Variants in PRKCH observed in about 807,000 individuals in gnomAD.
PRKCH encodes the protein protein kinase C eta type.
PRKCH carries 28 observed loss-of-function variants against 82.5 expected under a neutral mutation model. The observed-to-expected ratio is 0.34, with a 90% confidence interval of 0.25 to 0.47. The LOEUF (loss-of-function observed/expected upper bound fraction) is 0.47, where lower values mean the gene tolerates loss of function less well. Ranked by LOEUF, PRKCH falls within the 20% of genes least tolerant of loss-of-function variation. The probability of loss-of-function intolerance (pLI) is 1.00; values close to 1 mark genes in which losing one functional copy is unlikely to be tolerated. For synonymous variants in PRKCH, 322 were observed against 327.4 expected (o/e 0.98, Z 0.18); for missense variants, 705 against 881.8 (o/e 0.80, Z 2.54).
intron 1 of PRKCH, among the ~76,000 whole-genome samples, chr14:61,192,196 T>C (rs2140032995): frequency 6.6e-6 from 1 of 152,290 alleles, no homozygotes; most frequent in Admixed American, 6.5e-5. Context: ...TTATTTCTAT[T>C]TTCCTGTTGT....
chr14:61,496,779 T>C (rs967256598), intron 10 of PRKCH, among the ~76,000 whole-genome samples: 8 of 152,182 alleles, frequency 5.3e-5, no homozygotes, highest in African/African-American at 1.9e-4. Flanking sequence ...CTTTTTTTAT[T>C]TTAAGATGAC....
At chr14:61,284,599 T>A (rs2045298715) in intron 1 of PRKCH, among the ~76,000 whole-genome samples, 1 of 152,210 alleles carries the variant, frequency 6.6e-6, no homozygotes, top group Non-Finnish European at 1.5e-5. Flanking sequence ...ATTGTCGTGT[T>A]CCTCAGAGTT....
At chr14:61,401,237 A>G (rs1295551759) in intron 2 of PRKCH, among the ~76,000 whole-genome samples, 1 of 152,194 alleles carries the variant, frequency 6.6e-6, no homozygotes, top group Non-Finnish European at 1.5e-5. Flanking sequence ...GGTTCTCTTA[A>G]TGTACATCTT....
intron 1 of PRKCH, among the ~76,000 whole-genome samples, chr14:61,211,429 T>A (rs541991234): frequency 4.1e-4 from 62 of 152,286 alleles, no homozygotes; most frequent in Admixed American, 2.2e-3. Flanking sequence ...CCTGGCTAAA[T>A]GAACACAGTA....
At chr14:61,376,267 T>A (rs984417836) in intron 1 of PRKCH, among the ~76,000 whole-genome samples, 2 of 152,178 alleles carry the variant, frequency 1.3e-5, no homozygotes, top group Non-Finnish European at 2.9e-5. Flanking sequence ...CTGCTTTCTC[T>A]CATTCTCTAA....
chr14:61,206,998 C>A (rs138553422), intron 1 of PRKCH, among the ~76,000 whole-genome samples: 1 of 145,618 alleles, frequency 6.9e-6, no homozygotes, highest in East Asian at 2.2e-4. Context: ...CCCAGCTACT[C>A]GGGAGGCCGA....
At chr14:61,410,954 G>A (rs1882237352) in intron 2 of PRKCH, among the ~76,000 whole-genome samples, 1 of 152,228 alleles carries the variant, frequency 6.6e-6, no homozygotes, top group Non-Finnish European at 1.5e-5. Flanking sequence ...GAAAATGAGG[G>A]TGATTGCAAA....
intron 1 of PRKCH, among the ~76,000 whole-genome samples, chr14:61,232,871 G>T (rs1202827978): frequency 6.6e-6 from 1 of 152,016 alleles, no homozygotes; most frequent in Non-Finnish European, 1.5e-5. Context: ...CTGACACTAC[G>T]CAGGGGTTGC....
intron 1 of PRKCH, among the ~76,000 whole-genome samples, chr14:61,272,534 A>G (rs1264355371): frequency 6.6e-6 from 1 of 151,358 alleles, no homozygotes; most frequent in East Asian, 2.0e-4. Context: ...TTGTATTTTT[A>G]GTAGAGACGG....
At chr14:61,236,653 G>A (rs1206285467) in intron 1 of PRKCH, among the ~76,000 whole-genome samples, 1 of 141,952 alleles carries the variant, frequency 7.0e-6, no homozygotes, top group Non-Finnish European at 1.5e-5. Flanking sequence ...GTTGCAGCGA[G>A]CTGAGATCAC....
intron 1 of PRKCH, among the ~76,000 whole-genome samples, chr14:61,345,282 G>A (rs1317029524): frequency 1.3e-5 from 2 of 152,118 alleles, no homozygotes; most frequent in African/African-American, 4.8e-5. Context: ...GCCTCTTCAT[G>A]GTTATAAACG....
At chr14:61,511,900 T>C (rs1296006276) in intron 10 of PRKCH, among the ~76,000 whole-genome samples, 2 of 152,208 alleles carry the variant, frequency 1.3e-5, no homozygotes, top group Non-Finnish European at 2.9e-5. Flanking sequence ...GGAAAGGCTG[T>C]AAAACTCAGA....
At chr14:61,437,628 A>G (rs774060670) in intron 2 of PRKCH, among the ~76,000 whole-genome samples, 19 of 152,078 alleles carry the variant, frequency 1.2e-4, no homozygotes, top group Non-Finnish European at 2.1e-4. Flanking sequence ...ATTACTTTCT[A>G]GGGATACCAG....
intron 9 of PRKCH, among the ~76,000 whole-genome samples, chr14:61,477,652 T>C (rs1422829340): frequency 6.6e-6 from 1 of 152,282 alleles, no homozygotes; most frequent in African/African-American, 2.4e-5. Context: ...TACCAGTCAG[T>C]GTTAGAAAAC....
chr14:61,309,091 T>G (rs1392375973), intron 1 of PRKCH, among the ~76,000 whole-genome samples: 1 of 142,990 alleles, frequency 7.0e-6, no homozygotes, highest in Non-Finnish European at 1.6e-5. Flanking sequence ...CAAGACCAGC[T>G]GGGCAACATA....
In PRKCH at chr14:61,280,460, G is replaced by T. The variant is rs1176661998; in HGVS notation, c.-19+92792G>T. 2 of 1,613,494 alleles carry T rather than the reference G, an allele frequency of 1.2e-6. No homozygotes were observed. The highest frequency in any genetic ancestry group is 2.7e-5 in the African/African-American group (2 of 74,934). ...GGGCTGAGCTCGTAGACTGGCCGGC[G>T]CCAGTTGGGCGGGGGCGCCGTGCCC... is the stretch of plus-strand genomic sequence containing the variant. On this transcript the variant is annotated intron_variant, in intron 1 of 3. Coordinates refer to the PRKCH transcript ENST00000555185. This position sits in a 1 kb window ranked among gnomAD's most constrained non-coding sequence, Gnocchi z 5.0.
chr14:61,504,182 AT>A (rs984400113), intron 10 of PRKCH, among the ~76,000 whole-genome samples: 11 of 84,696 alleles, frequency 1.3e-4, no homozygotes, highest in Non-Finnish European at 2.6e-4. Context: ...TCAGAGGCCC[AT>A]TTTGTTTATT....
At chr14:61,429,947 G>A (rs904511469) in intron 2 of PRKCH, among the ~76,000 whole-genome samples, 1 of 152,100 alleles carries the variant, frequency 6.6e-6, no homozygotes, top group Admixed American at 6.5e-5. Flanking sequence ...TGCAGAAAAA[G>A]TAAACATGAT....
intron 12 of PRKCH, among the ~76,000 whole-genome samples, chr14:61,536,128 A>T (rs1356349502): frequency 3.9e-5 from 6 of 152,198 alleles, no homozygotes; most frequent in Non-Finnish European, 7.3e-5. Context: ...GATCCTGGCC[A>T]CATCTCTTAA....
Sources: allele counts gnomAD v4.1 joint callset (sites outside exome capture counted in the v4.1 genomes callset), GRCh38; gene constraint gnomAD v4.1.1; non-coding constraint Gnocchi (gnomAD v3.1); transcripts MANE v1.5; gene names NCBI Gene and HGNC (gene_info 2026-07-23, HGNC 2026-07-21).